The following TOX variants were observed in gnomAD, a reference collection of about 807,000 sequenced individuals.
TOX encodes the protein thymocyte selection associated high mobility group box.
TOX carries 11 observed loss-of-function variants against 53.7 expected under a neutral mutation model. That is an observed-to-expected ratio of 0.20 (90% CI 0.13 to 0.34). The LOEUF (loss-of-function observed/expected upper bound fraction) is 0.34. Ranked by LOEUF, TOX falls within the 10% of genes least tolerant of loss-of-function variation. The probability of loss-of-function intolerance (pLI) is 1.00; values close to 1 mark genes in which losing one functional copy is unlikely to be tolerated. For synonymous variants in TOX, 225 were observed against 245.3 expected, an observed-to-expected ratio of 0.92 and a Z score of 0.77; for missense variants, 570 against 664.6, an observed-to-expected ratio of 0.86 and a Z score of 1.56.
At chr8:58,823,886 TC>T (rs1416644953) in intron 6 of TOX, among the ~76,000 whole-genome samples, 2 of 152,180 alleles carry the variant, frequency 1.3e-5, no homozygotes, top group African/African-American at 4.8e-5. Flanking sequence ...AAATGCAAAG[TC>T]ATATTTGGGG....
intron 3 of TOX, among the ~76,000 whole-genome samples, chr8:58,895,279 A>G (rs1811624597): frequency 6.6e-6 from 1 of 152,232 alleles, no homozygotes; most frequent in South Asian, 2.1e-4. Flanking sequence ...TTTTTAAAGT[A>G]GAGTTAGTCT....
chr8:58,929,472 C>T (rs1291061851), intron 3 of TOX, among the ~76,000 whole-genome samples: 1 of 151,838 alleles, frequency 6.6e-6, no homozygotes, highest in East Asian at 1.9e-4. Context: ...GATCTTGAAA[C>T]TTTCAAACTA....
chr8:58,981,098 T>C (rs1270666566), intron 1 of TOX, among the ~76,000 whole-genome samples: 1 of 152,236 alleles, frequency 6.6e-6, no homozygotes, highest in Non-Finnish European at 1.5e-5. Context: ...TTTTAACTAA[T>C]GACTGCAGTT....
chr8:59,008,263 A>C (rs1813829066), intron 1 of TOX, among the ~76,000 whole-genome samples: 1 of 152,208 alleles, frequency 6.6e-6, no homozygotes. Context: ...CCACATTTTG[A>C]GGCTAATTTA....
At chr8:59,082,563 C>G (rs1163831108) in intron 1 of TOX, among the ~76,000 whole-genome samples, 1 of 152,152 alleles carries the variant, frequency 6.6e-6, no homozygotes, top group African/African-American at 2.4e-5. Context: ...TTACGAAATG[C>G]CTTCTAGGTG....
chr8:59,053,356 G>T (rs1002877646), intron 1 of TOX, among the ~76,000 whole-genome samples: 5 of 152,046 alleles, frequency 3.3e-5, no homozygotes, highest in South Asian at 2.1e-4. Context: ...CGGAACACAT[G>T]GTTGTGTCTG....
intron 1 of TOX, among the ~76,000 whole-genome samples, chr8:59,049,848 A>G (rs1013955635): frequency 6.6e-6 from 1 of 152,176 alleles, no homozygotes; most frequent in African/African-American, 2.4e-5. Flanking sequence ...ATGAGTATTT[A>G]GAAAGTTCGC....
chr8:58,891,946 C>T (rs1327756570), intron 3 of TOX, among the ~76,000 whole-genome samples: 2 of 152,296 alleles, frequency 1.3e-5, no homozygotes, highest in South Asian at 4.1e-4. Flanking sequence ...CTACTCGCAT[C>T]ACCCGGTTTC....
At chr8:58,874,804 A>T (rs537157137) in intron 3 of TOX, among the ~76,000 whole-genome samples, 241 of 152,298 alleles carry the variant, frequency 1.6e-3, no homozygotes, top group African/African-American at 5.5e-3. Context: ...TATCTAAACC[A>T]GGGTGTCCAA....
At chr8:59,004,930 C>T (rs1377236842) in intron 1 of TOX, among the ~76,000 whole-genome samples, 2 of 152,100 alleles carry the variant, frequency 1.3e-5, no homozygotes, top group Non-Finnish European at 2.9e-5. Context: ...TTAGTAGTAG[C>T]CTATATCTGG....
chr8:58,832,615 A>G (rs1053637610), intron 5 of TOX, among the ~76,000 whole-genome samples: 2 of 152,296 alleles, frequency 1.3e-5, no homozygotes, highest in African/African-American at 2.4e-5. Context: ...CTGCCTCATA[A>G]GTATAATTCT....
chr8:58,868,611 A>G (rs1354164512), intron 3 of TOX, among the ~76,000 whole-genome samples: 1 of 152,136 alleles, frequency 6.6e-6, no homozygotes, highest in East Asian at 1.9e-4. Flanking sequence ...ATTTCTCAAC[A>G]TATGAATAAC....
chr8:58,904,050 G>A (rs913164286), intron 3 of TOX, among the ~76,000 whole-genome samples: 1 of 152,146 alleles, frequency 6.6e-6, no homozygotes. Context: ...AAGATTAGAT[G>A]TTTAGAAAAT....
At chr8:59,042,006 GA>G (rs765328416) in intron 1 of TOX, among the ~76,000 whole-genome samples, 31 of 152,124 alleles carry the variant, frequency 2.0e-4, no homozygotes, top group Non-Finnish European at 1.8e-4. Flanking sequence ...AAATGCAACT[GA>G]AAAGAAAATT....
rs528653240 is a variant in TOX, at chr8:58,947,960, G to T, written c.169-8416C>A. 5.9e-5 allele frequency among the ~76,000 whole-genome samples: 9 copies of T among 152,332 alleles called. No individual in the cohort carries two copies. In the South Asian group the frequency reaches 1.9e-3, roughly 32 times the overall value. Reference sequence around the variant, plus strand: ...ACCTCTAAGATAAGGTCAAGGGCAAGACTGGTCCCACCAATCAAAGCAAAC... The same window carrying T: ...ACCTCTAAGATAAGGTCAAGGGCAATACTGGTCCCACCAATCAAAGCAAAC... On this transcript the variant is annotated intron_variant, in intron 2 of 8. Coordinates refer to ENST00000361421, the MANE Select transcript of TOX (RefSeq NM_014729.3).
intron 1 of TOX, among the ~76,000 whole-genome samples, chr8:59,035,772 CATA>C (rs1171781637): frequency 6.6e-6 from 1 of 152,170 alleles, no homozygotes; most frequent in African/African-American, 2.4e-5. Context: ...GAGAAATAAT[CATA>C]ATAACAATAA....
chr8:58,954,298 T>A (rs987524111), intron 2 of TOX, among the ~76,000 whole-genome samples: 13 of 152,236 alleles, frequency 8.5e-5, no homozygotes, highest in African/African-American at 3.1e-4. Context: ...TTGCTAAATG[T>A]CTGCAATGCA....
chr8:59,038,395 A>G (rs1158716935), intron 1 of TOX, among the ~76,000 whole-genome samples: 2 of 152,182 alleles, frequency 1.3e-5, no homozygotes, highest in African/African-American at 4.8e-5. Context: ...GTTTGGTTTT[A>G]TTATAATCAG....
At chr8:59,062,337 G>A (rs574670023) in intron 1 of TOX, among the ~76,000 whole-genome samples, 3 of 152,300 alleles carry the variant, frequency 2.0e-5, no homozygotes, top group East Asian at 3.9e-4. Context: ...GGTACACAGC[G>A]GAAGAACATG....
Sources: allele counts gnomAD v4.1 joint callset (sites outside exome capture counted in the v4.1 genomes callset), GRCh38; gene constraint gnomAD v4.1.1; transcripts MANE v1.5; gene names NCBI Gene and HGNC (gene_info 2026-07-23, HGNC 2026-07-21).